The following SCARA3 variants were observed in gnomAD, a reference collection of about 807,000 sequenced individuals.
SCARA3 encodes the protein scavenger receptor class A member 3, also known as cellular stress response gene protein.
SCARA3 carries 39 observed loss-of-function variants against 47.0 expected under a neutral mutation model. That is an observed-to-expected ratio of 0.83 (90% CI 0.64 to 1.08). SCARA3 has a LOEUF of 1.08. SCARA3 is among the 50% of genes least tolerant of loss of function. The pLI is 0.00. For missense variants in SCARA3, 724 were observed against 792.3 expected (o/e 0.91, Z 1.04); for synonymous variants, 356 against 334.1 (o/e 1.07, Z -0.71).
At chr8:27,710,267 G>A in the SCARA3 span, among the ~76,000 whole-genome samples, 1 of 150,260 alleles carries the variant, frequency 6.7e-6, no homozygotes, top group South Asian at 2.1e-4. Context: ...TTTCTCTTAT[G>A]CTTGAATAAT....
chr8:27,695,925 C>CA, the SCARA3 span, among the ~76,000 whole-genome samples: 5 of 150,650 alleles, frequency 3.3e-5, no homozygotes, highest in African/African-American at 4.9e-5. Context: ...ATTGGACACT[C>CA]AAAAAAAAAC....
chr8:27,712,691 A>G, the SCARA3 span, among the ~76,000 whole-genome samples: 1 of 152,158 alleles, frequency 6.6e-6, no homozygotes, highest in African/African-American at 2.4e-5. Flanking sequence ...TCTGAAGAAC[A>G]TCTTGATGGC....
At chr8:27,701,569 CTCTT>C in the SCARA3 span, 1 of 151,356 alleles carries the variant, frequency 6.6e-6, no homozygotes, top group African/African-American at 2.4e-5. Flanking sequence ...CTTCCTTCCT[CTCTT>C]TCTTTCTCTT....
chr8:27,729,657 G>A, the SCARA3 span, among the ~76,000 whole-genome samples: 1 of 152,116 alleles, frequency 6.6e-6, no homozygotes, highest in Non-Finnish European at 1.5e-5. Context: ...CAGACGTGTT[G>A]GTGGGCGCCT....
chr8:27,681,305 G>A (rs1802350628), downstream of SCARA3, among the ~76,000 whole-genome samples: 1 of 148,858 alleles, frequency 6.7e-6, no homozygotes, highest in South Asian at 2.2e-4. Flanking sequence ...ATATACAAAA[G>A]TCAATTGTAT....
chr8:27,649,025 G>A (rs1430409226), intron 1 of SCARA3, among the ~76,000 whole-genome samples: 1 of 152,204 alleles, frequency 6.6e-6, no homozygotes, highest in Non-Finnish European at 1.5e-5. Flanking sequence ...GGGAGTGGGA[G>A]GTGAAGGGTG....
rs61545866 is a variant in SCARA3 at position 27,653,570 on chromosome 8, C to CGTGTGTGTGTGTGTGTGTGTGT, written c.226+1952_226+1973dup. ...AAAGAATGATTATAGATTTGTAAAGCGTGTGTGTGTGTGTGTGTGTGTGTG... is the reference window on the plus strand; with the variant it reads ...AAAGAATGATTATAGATTTGTAAAGCGTGTGTGTGTGTGTGTGTGTGTGTGTGTGTGTGTGTGTGTGTGTGTG... On this transcript the variant is annotated intron_variant, in intron 3 of 5. Transcript: ENST00000301904. Among the ~76,000 whole-genome samples the CGTGTGTGTGTGTGTGTGTGTGT allele has an allele frequency of 7.3e-3, 1,063 of 145,154 alleles. 14 individuals are homozygous for CGTGTGTGTGTGTGTGTGTGTGT. The highest frequency in any genetic ancestry group is 0.014 in the Middle Eastern group (4 of 280).
the SCARA3 span, among the ~76,000 whole-genome samples, chr8:27,715,753 CAGAT>C: frequency 3.3e-5 from 5 of 151,524 alleles, no homozygotes; most frequent in South Asian, 4.2e-4. This position sits in a 1 kb window ranked among gnomAD's most constrained non-coding sequence, Gnocchi z 4.2. Flanking sequence ...GTCAGACAGA[CAGAT>C]AGTAGACAGA....
the SCARA3 span, among the ~76,000 whole-genome samples, chr8:27,694,585 G>T: frequency 6.6e-6 from 1 of 152,218 alleles, no homozygotes; most frequent in African/African-American, 2.4e-5. Flanking sequence ...GAAGAAGAAA[G>T]GAATGAGCAG....
intron 1 of SCARA3, among the ~76,000 whole-genome samples, chr8:27,647,493 A>C (rs526693): frequency 6.6e-6 from 1 of 151,960 alleles, no homozygotes; most frequent in East Asian, 1.9e-4. Flanking sequence ...CAAATCCTTC[A>C]TTGGTTTATT....
chr8:27,709,599 C>T, the SCARA3 span, among the ~76,000 whole-genome samples: 4 of 152,172 alleles, frequency 2.6e-5, no homozygotes, highest in East Asian at 3.9e-4. Context: ...TTCAACTGCT[C>T]ACCCTCAAAT....
At chr8:27,701,484 A>G in the SCARA3 span, 1 of 152,236 alleles carries the variant, frequency 6.6e-6, no homozygotes, top group East Asian at 1.9e-4. Flanking sequence ...CACAGGTGTC[A>G]TCATGGCAAG....
chr8:27,670,391 G>T (rs1251764682), intron 5 of SCARA3, among the ~76,000 whole-genome samples: 4 of 152,188 alleles, frequency 2.6e-5, no homozygotes, highest in Non-Finnish European at 4.4e-5. Flanking sequence ...GGTGATCAGG[G>T]TGGGCTTCCT....
At chr8:27,682,512 T>C in the SCARA3 span, among the ~76,000 whole-genome samples, 4 of 152,154 alleles carry the variant, frequency 2.6e-5, no homozygotes, top group Middle Eastern at 6.3e-3. Context: ...AAATAATTTA[T>C]AAATAGAATA....
At chr8:27,682,958 C>CA in the SCARA3 span, among the ~76,000 whole-genome samples, 1 of 151,240 alleles carries the variant, frequency 6.6e-6, no homozygotes, top group Admixed American at 6.6e-5. Flanking sequence ...AACATAGATC[C>CA]AAAAAATTAT....
rs186904275 is a variant in SCARA3 at position 27,669,359 on chromosome 8, C to T, written c.1370-1541C>T. Among the ~76,000 whole-genome samples the T allele has an allele frequency of 8.5e-5, 13 of 152,370 alleles. No individual in the cohort carries two copies. The East Asian group carries it at 2.3e-3, about 27-fold the overall frequency. The stretch of plus-strand genomic sequence containing the variant: ...CTGCTTTTCCAAACCGCAGCTGGCC[C>T]AGGCGCCAGGAGCAGAGGTAGGGTG... On this transcript the variant is annotated intron_variant, in intron 5 of 5. Coordinates refer to ENST00000301904, the MANE Select transcript of SCARA3 (RefSeq NM_016240.3).
At chr8:27,635,262 A>T (rs890908620) in intron 1 of SCARA3, among the ~76,000 whole-genome samples, 3 of 151,808 alleles carry the variant, frequency 2.0e-5, no homozygotes, top group Non-Finnish European at 4.4e-5. Context: ...CTGAGGGTTC[A>T]TTGGAAGAAA....
chr8:27,651,779 G>A, intron 3 of SCARA3, 152 bp downstream of exon 3: 1 of 1,109,414 alleles, frequency 9.0e-7, no homozygotes, highest in Non-Finnish European at 1.3e-6. Flanking sequence ...TATGCCTAAT[G>A]CAAACTGCAG....
intron 4 of SCARA3, 61 bp downstream of exon 4, chr8:27,656,941 C>A: frequency 9.4e-7 from 1 of 1,064,680 alleles, no homozygotes; most frequent in East Asian, 2.4e-5. Context: ...GGGGTGCCCT[C>A]CCCACGCTAC....
Sources: allele counts gnomAD v4.1 joint callset (sites outside exome capture counted in the v4.1 genomes callset), GRCh38; gene constraint gnomAD v4.1.1; non-coding constraint Gnocchi (gnomAD v3.1); transcripts MANE v1.5; gene names NCBI Gene and HGNC (gene_info 2026-07-23, HGNC 2026-07-21).